CYB5D2: variants seen among roughly 807,000 people sequenced by gnomAD.
CYB5D2 encodes the protein neuferricin.
In CYB5D2, 23 loss-of-function variants were observed where a neutral mutation model predicts 22.8. The observed-to-expected ratio is 1.01, with a 90% CI of 0.73 to 1.43. The LOEUF is 1.43. Ranked by LOEUF, CYB5D2 falls within the 40% of genes most tolerant of loss-of-function variation. The pLI is 0.00. For synonymous variants in CYB5D2, 170 were observed against 152.2 expected (o/e 1.12, Z -0.86); for missense variants, 373 against 357.2 (o/e 1.04, Z -0.36).
chr17:4,156,955 C>T lies in CYB5D2; in HGVS notation c.668C>T (p.Thr223Ile). The change falls in exon 4 of 4, where the codon ACC becomes ATC. Residue 223 changes from threonine to isoleucine, a missense_variant. Thr to Ile is a moderately conservative substitution (Grantham distance 89, BLOSUM62 -1). Coordinates refer to ENST00000301391, the MANE Select transcript of CYB5D2 (RefSeq NM_144611.4). ...CCCCGCTGCGTGTGTGTGAGAACCACCGGCCCCCCTAGTGGCCAGATGCCG... is the reference window on the plus strand; with the variant it reads ...CCCCGCTGCGTGTGTGTGAGAACCATCGGCCCCCCTAGTGGCCAGATGCCG... ...KEPRCVCVRTTGPPSGQMPDN... is the reference protein window; with the variant it reads ...KEPRCVCVRTIGPPSGQMPDN... 4 of 1,612,852 alleles carry T rather than the reference C, an allele frequency of 2.5e-6. No individual in the cohort carries two copies. Among genetic ancestry groups the T allele is most frequent in the Middle Eastern group, 2.0e-4 (1 of 4,938 alleles).
At chr17:4,147,444 T>C (rs1169335693) in intron 1 of CYB5D2, among the ~76,000 whole-genome samples, 1 of 152,220 alleles carries the variant, frequency 6.6e-6, no homozygotes, top group Non-Finnish European at 1.5e-5. Flanking sequence ...TAAATAGATA[T>C]TACACAATTA....
Position 4,143,702 on chromosome 17 carries a change from A to G in CYB5D2, c.-54A>G. On this transcript the variant is annotated 5_prime_UTR_variant, in exon 1 of 4. The change abolishes the stop of an existing upstream ORF in the 5' untranslated region. Coordinates refer to ENST00000301391, the MANE Select transcript of CYB5D2 (RefSeq NM_144611.4). ...TCACGCTCGGCGTCTCGGCCATCTT[A>G]GCTGTAGATAGAGGCGGCAACCTCG... 1 of 1,546,500 alleles carries G rather than the reference A, an allele frequency of 6.5e-7. No homozygotes were observed. The highest frequency in any genetic ancestry group is 1.2e-5 in the South Asian group (1 of 81,932).
chr17:4,147,170 T>C lies in CYB5D2; in HGVS notation c.251-2721T>C, dbSNP rs2059001576. On this transcript the variant is annotated intron_variant, in intron 1 of 3. Coordinates refer to ENST00000301391, the MANE Select transcript of CYB5D2 (RefSeq NM_144611.4). Reference sequence around the variant, plus strand: ...CCCGTAGTCTCAGCTACTTGGGAGTTGGAGACAGAAGAATCCCTTGAACCG... The same window carrying C: ...CCCGTAGTCTCAGCTACTTGGGAGTCGGAGACAGAAGAATCCCTTGAACCG... Among the ~76,000 whole-genome samples, 5 of 152,132 alleles carry C rather than the reference T, an allele frequency of 3.3e-5. No homozygotes were observed. The South Asian group carries it at 1.0e-3, about 32-fold the overall frequency.
intron 1 of CYB5D2, among the ~76,000 whole-genome samples, chr17:4,145,314 A>T (rs2058976368): frequency 6.6e-6 from 1 of 152,228 alleles, no homozygotes; most frequent in Non-Finnish European, 1.5e-5. Flanking sequence ...ACAAAAGTTG[A>T]CAGAAAAGGA....
At position 4,148,516 on chromosome 17, in the gene CYB5D2, C is replaced by CA. The variant is rs34632039; in HGVS notation, c.251-1354dup. Among the ~76,000 whole-genome samples, 794 of 102,618 alleles carry CA rather than the reference C, an allele frequency of 7.7e-3. 14 individuals carry two copies. The highest frequency in any genetic ancestry group is 0.026 in the African/African-American group (745 of 28,210). The allele number at this position is 102,618 out of a possible 152,430, so 67.3% of individuals were successfully genotyped here. On this transcript the variant is annotated intron_variant, in intron 1 of 3. Transcript: ENST00000301391. ...TGGGCAACAGAGCGAGACTCAGTCT[C>CA]AAAAAAAAAAAAAAAAAAAAATGGG...
At chr17:4,149,315 G>A (rs146379193) in intron 1 of CYB5D2, among the ~76,000 whole-genome samples, 1 of 152,324 alleles carries the variant, frequency 6.6e-6, no homozygotes, top group African/African-American at 2.4e-5. Flanking sequence ...ACAGTGAGGA[G>A]CTGGAGAAGT....
rs528116886 is a variant in CYB5D2 at position 4,143,851 on chromosome 17, C to G, written c.96C>G (p.Arg32=). 1 of 1,614,088 alleles carries G rather than the reference C, an allele frequency of 6.2e-7. No individual in the cohort carries two copies. Among genetic ancestry groups the G allele is most frequent in the Non-Finnish European group, 8.5e-7 (1 of 1,180,002 alleles). ...GGCTTATGGGCTGGTGGGGTCCCCGCGCTGGCTTTCGCCTTTTCATACCGG... is the reference window on the plus strand; with the variant it reads ...GGCTTATGGGCTGGTGGGGTCCCCGGGCTGGCTTTCGCCTTTTCATACCGG... ...AARLMGWWGP[R]AGFRLFIPEE... Residue 32 remains arginine, a synonymous_variant, in exon 1 of 4, where the codon CGC becomes CGG. Coordinates refer to ENST00000301391, the MANE Select transcript of CYB5D2 (RefSeq NM_144611.4).
chr17:4,143,318 G>C lies in CYB5D2; in HGVS notation c.-438G>C, dbSNP rs965884738. On this transcript the variant is annotated 5_prime_UTR_variant, in exon 1 of 4. Transcript: ENST00000301391. ...GAGACGGGTGGATCACCTGAGGTCA[G>C]GAGTTCGAGACCAGCCTGACCAACG... The C allele has an allele frequency of 5.8e-6, 1 of 172,754 alleles. No individual in the cohort carries two copies. Among genetic ancestry groups the C allele is most frequent in the Admixed American group, 6.3e-5 (1 of 15,946 alleles). The allele number at this position is 172,754 out of a possible 1,614,324, so 10.7% of individuals were successfully genotyped here.
chr17:4,151,273 G>A (rs140240475), intron 2 of CYB5D2, among the ~76,000 whole-genome samples: 5 of 152,064 alleles, frequency 3.3e-5, no homozygotes, highest in South Asian at 4.2e-4. Context: ...GTCTACCATC[G>A]AAGGCACTGA....
chr17:4,154,561 A>C (rs1371577265), intron 2 of CYB5D2, 113 bp from the exon 3 acceptor site: 1 of 1,253,794 alleles, frequency 8.0e-7, no homozygotes. Context: ...AGTTCTTATT[A>C]AACGCGCACC....
Position 4,143,912 on chromosome 17 carries a change from C to T in CYB5D2, c.157C>T (p.Pro53Ser), listed in dbSNP as rs146619541. The change falls in exon 1 of 4, where the codon CCG (proline) becomes TCG (serine). Residue 53 changes from proline (P) to serine (S), a missense_variant. Transcript: ENST00000301391. ...LSRYRGGPGD[P>S]GLYLALLGRV... Reference sequence around the variant, plus strand: ...TCGCTACCGCGGCGGCCCAGGGGACCCGGGCCTGTACTTGGCGTTGCTCGG... The same window carrying T: ...TCGCTACCGCGGCGGCCCAGGGGACTCGGGCCTGTACTTGGCGTTGCTCGG... 60 of 1,613,818 alleles carry T rather than the reference C, an allele frequency of 3.7e-5. 1 individual carries two copies. In the African/African-American group the frequency reaches 7.6e-4, roughly 20 times the overall value.
At chr17:4,145,421 T>C (rs1158818602) in intron 1 of CYB5D2, among the ~76,000 whole-genome samples, 1 of 152,228 alleles carries the variant, frequency 6.6e-6, no homozygotes, top group Non-Finnish European at 1.5e-5. Context: ...GAGCTGGGAC[T>C]GGAATCAAGG....
intron 2 of CYB5D2, among the ~76,000 whole-genome samples, chr17:4,152,851 C>T (rs187491862): frequency 2.0e-5 from 3 of 152,316 alleles, no homozygotes; most frequent in East Asian, 1.9e-4. Context: ...GACTGCAGCT[C>T]ACTGCAACCT....
chr17:4,148,922 G>T (rs1005648198), intron 1 of CYB5D2, among the ~76,000 whole-genome samples: 2 of 151,730 alleles, frequency 1.3e-5, no homozygotes, highest in Non-Finnish European at 2.9e-5. Context: ...TGGCTGTGAG[G>T]GTGCTGATAA....
In CYB5D2 at chr17:4,143,697, A is replaced by G. The variant is rs1483397962; in HGVS notation, c.-59A>G. 4.6e-6 allele frequency: 7 copies of G among 1,537,984 alleles called. No individual in the cohort carries two copies. The highest frequency in any genetic ancestry group is 4.6e-5 in the East Asian group (2 of 43,578). The stretch of plus-strand genomic sequence containing the variant: ...TGACGTCACGCTCGGCGTCTCGGCC[A>G]TCTTAGCTGTAGATAGAGGCGGCAA... On this transcript the variant is annotated 5_prime_UTR_variant, in exon 1 of 4. Transcript: ENST00000301391.
chr17:4,143,769 G>T lies in CYB5D2; in HGVS notation c.14G>T (p.Gly5Val), dbSNP rs770455843. The T allele has an allele frequency of 6.2e-7, 1 of 1,613,562 alleles. No homozygotes were observed. Among genetic ancestry groups the T allele is most frequent in the African/African-American group, 1.3e-5 (1 of 74,922 alleles). Residue 5 changes from glycine (G) to valine (V), a missense_variant, in exon 1 of 4, where the codon GGA becomes GTA. Gly to Val is a moderately radical substitution (Grantham distance 109). Coordinates refer to ENST00000301391, the MANE Select transcript of CYB5D2 (RefSeq NM_144611.4). ...GGGCCTATATAGATGTTGAGGTGCGGAGGCCGTGGGCTTTTGTTGGGCCTG... is the reference window on the plus strand; with the variant it reads ...GGGCCTATATAGATGTTGAGGTGCGTAGGCCGTGGGCTTTTGTTGGGCCTG... MLRCGGRGLLLGLAV... is the reference protein window; with the variant it reads MLRCVGRGLLLGLAV...
In CYB5D2 at chr17:4,157,084, C is replaced by A. The variant is rs777955470; in HGVS notation, c.*2C>A. 6.2e-7 allele frequency: 1 copy of A among 1,612,202 alleles called. No individual in the cohort carries two copies. Among genetic ancestry groups the A allele is most frequent in the Admixed American group, 1.7e-5 (1 of 60,006 alleles). Reference sequence around the variant, plus strand: ...ATCACATGCTCCTTTCCACTCTAAGCCGTAGCCTCTTCTGTTAATAACACA... The same window carrying A: ...ATCACATGCTCCTTTCCACTCTAAGACGTAGCCTCTTCTGTTAATAACACA... On this transcript the variant is annotated 3_prime_UTR_variant, in exon 4 of 4. Transcript: ENST00000301391. The surrounding 1 kb of genome is among the most constrained non-coding windows in gnomAD (Gnocchi z 4.4).
intron 2 of CYB5D2, 62 bp downstream of exon 2, chr17:4,150,093 AT>A: frequency 6.3e-7 from 1 of 1,581,804 alleles, no homozygotes. Flanking sequence ...GGGGGCTGAG[AT>A]TTTTTAGGGA....
intron 3 of CYB5D2, among the ~76,000 whole-genome samples, chr17:4,155,886 C>G (rs569197103): frequency 6.6e-6 from 1 of 152,382 alleles, no homozygotes; most frequent in Non-Finnish European, 1.5e-5. Flanking sequence ...TCCAGGGCCA[C>G]CCTAGTGAAC....
Sources: allele counts gnomAD v4.1 joint callset (sites outside exome capture counted in the v4.1 genomes callset), GRCh38; gene constraint gnomAD v4.1.1; non-coding constraint Gnocchi (gnomAD v3.1); transcripts MANE v1.5; gene names NCBI Gene and HGNC (gene_info 2026-07-23, HGNC 2026-07-21).